The following PTPRM variants were observed in gnomAD, a reference collection of about 807,000 sequenced individuals.
The protein encoded by PTPRM is protein tyrosine phosphatase receptor type M.
In PTPRM, 47 loss-of-function variants were observed where a neutral mutation model predicts 186.7. The observed-to-expected ratio is 0.25, with a 90% confidence interval of 0.20 to 0.32. PTPRM has a LOEUF of 0.32. Ranked by LOEUF, PTPRM falls within the 10% of genes least tolerant of loss-of-function variation. The pLI, the probability that PTPRM is intolerant of heterozygous loss-of-function variation, is 1.00. For missense variants in PTPRM, 1,494 were observed against 1,865.0 expected (o/e 0.80, Z 3.66); for synonymous variants, 668 against 674.9 (o/e 0.99, Z 0.16).
chr18:7,920,124 G>A (rs2050776957), intron 4 of PTPRM, among the ~76,000 whole-genome samples: 2 of 152,120 alleles, frequency 1.3e-5, no homozygotes, highest in Admixed American at 6.5e-5. Flanking sequence ...ATTTAATTGT[G>A]TCTTGGTTTT....
At chr18:8,164,068 A>G (rs1378175633) in intron 14 of PTPRM, among the ~76,000 whole-genome samples, 1 of 152,240 alleles carries the variant, frequency 6.6e-6, no homozygotes, top group Non-Finnish European at 1.5e-5. Context: ...TGAAAGATCC[A>G]TAAGTTAAGA....
At chr18:7,885,662 A>C (rs1342224542) in intron 2 of PTPRM, among the ~76,000 whole-genome samples, 1 of 152,130 alleles carries the variant, frequency 6.6e-6, no homozygotes, top group Non-Finnish European at 1.5e-5. Context: ...TCAAACAGGG[A>C]AAAAAGGAGG....
At chr18:7,871,000 A>G (rs1300841635) in intron 2 of PTPRM, among the ~76,000 whole-genome samples, 1 of 152,220 alleles carries the variant, frequency 6.6e-6, no homozygotes, top group African/African-American at 2.4e-5. Flanking sequence ...TAAGGCAGCA[A>G]TGCAGCTCTT....
chr18:8,164,636 C>G (rs2093289885), intron 14 of PTPRM, among the ~76,000 whole-genome samples: 1 of 152,080 alleles, frequency 6.6e-6, no homozygotes, highest in Non-Finnish European at 1.5e-5. Context: ...TATATAAGTA[C>G]CTAGAGTAGT....
At chr18:7,714,976 A>T (rs991242998) in intron 1 of PTPRM, among the ~76,000 whole-genome samples, 12 of 152,242 alleles carry the variant, frequency 7.9e-5, no homozygotes, top group Admixed American at 5.2e-4. Flanking sequence ...CAAACAATAG[A>T]AAAAGAGGGA....
At position 8,155,741 on chromosome 18, in the gene PTPRM, G is replaced by A. The variant is rs151254334; in HGVS notation, c.2300+11962G>A. ...GAGATGCCTGCAGCATGCAGCCGGA[G>A]GCAAGTTGACATTAACTATAGTTCC... On this transcript the variant is annotated intron_variant, in intron 14 of 32. Transcript: ENST00000580170. Among the ~76,000 whole-genome samples, 143 of 152,324 alleles carry A rather than the reference G, an allele frequency of 9.4e-4. 2 individuals carry two copies. The East Asian group carries it at 0.026, about 28-fold the overall frequency.
intron 7 of PTPRM, among the ~76,000 whole-genome samples, chr18:8,064,431 G>T (rs144562070): frequency 1.2e-3 from 176 of 150,750 alleles, no homozygotes; most frequent in African/African-American, 4.0e-3. Flanking sequence ...TGGCCTATTT[G>T]TTAGGAAGAT....
chr18:8,126,755 G>C (rs1405291580), intron 13 of PTPRM, among the ~76,000 whole-genome samples: 5 of 152,198 alleles, frequency 3.3e-5, no homozygotes. Flanking sequence ...AAGGAGGACA[G>C]TATATGGCTT....
chr18:7,591,491 A>G (rs930562880), intron 1 of PTPRM, among the ~76,000 whole-genome samples: 4 of 152,190 alleles, frequency 2.6e-5, no homozygotes, highest in Non-Finnish European at 4.4e-5. Flanking sequence ...CCCCACCACT[A>G]CAAGTTCAGA....
intron 14 of PTPRM, among the ~76,000 whole-genome samples, chr18:8,228,091 C>T (rs976800962): frequency 5.3e-5 from 8 of 152,192 alleles, no homozygotes; most frequent in African/African-American, 1.4e-4. Context: ...TAGGCGCTCA[C>T]GTGAGCTGTG....
chr18:7,886,152 A>G (rs1363652396), intron 2 of PTPRM, among the ~76,000 whole-genome samples: 1 of 152,218 alleles, frequency 6.6e-6, no homozygotes, highest in Admixed American at 6.5e-5. Context: ...TAACTGTTGT[A>G]GATAACAGAG....
rs778033389 is a variant in PTPRM at position 7,888,316 on chromosome 18, C to A, written c.407C>A (p.Pro136Gln). The change falls in exon 3 of 33, where the codon CCA becomes CAA. Residue 136 changes from proline (P) to glutamine (Q), a missense_variant. Physicochemically the swap from Pro to Gln is moderately conservative, Grantham distance 76. Around this residue, in one of 3 missense-constraint regions of PTPRM, gnomAD observed 296 missense variants for 345.5 expected, o/e 0.86. Coordinates refer to ENST00000580170, the MANE Select transcript of PTPRM (RefSeq NM_001105244.2). Reference sequence around the variant, plus strand: ...CCTATCTGGAATATATCTGGAGACCCAACACGTACATGGAACAGGGCAGAA... The same window carrying A: ...CCTATCTGGAATATATCTGGAGACCAAACACGTACATGGAACAGGGCAGAA... ...GNPIWNISGDPTRTWNRAELA... is the reference protein window; with the variant it reads ...GNPIWNISGDQTRTWNRAELA... The A allele has an allele frequency of 3.7e-6, 6 of 1,614,036 alleles. No homozygotes were observed. In the Admixed American group the frequency reaches 6.7e-5, roughly 18 times the overall value.
chr18:8,404,081 T>A (rs2095888110), intron 32 of PTPRM: 1 of 152,192 alleles, frequency 6.6e-6, no homozygotes, highest in Non-Finnish European at 1.5e-5. Context: ...GTAGTAGAAT[T>A]GCTAGGTCAT....
intron 11 of PTPRM, among the ~76,000 whole-genome samples, chr18:8,101,083 A>G (rs988199832): frequency 6.6e-6 from 1 of 152,230 alleles, no homozygotes; most frequent in African/African-American, 2.4e-5. Context: ...CAGCAATAAG[A>G]GAAGGCATTG....
chr18:8,016,544 A>AAG (rs2084878640), intron 7 of PTPRM, among the ~76,000 whole-genome samples: 1 of 151,528 alleles, frequency 6.6e-6, no homozygotes, highest in African/African-American at 2.4e-5. Flanking sequence ...AAAAAAAAAA[A>AAG]AAGAAAAAAA....
At chr18:8,271,950 G>A (rs907408279) in intron 19 of PTPRM, among the ~76,000 whole-genome samples, 6 of 151,928 alleles carry the variant, frequency 3.9e-5, no homozygotes, top group Admixed American at 1.3e-4. Context: ...AGTGGCTCAC[G>A]CCTGTAATCC....
chr18:7,791,322 A>G (rs532755135), intron 2 of PTPRM, among the ~76,000 whole-genome samples: 5 of 152,310 alleles, frequency 3.3e-5, no homozygotes, highest in African/African-American at 1.2e-4. Flanking sequence ...GAAAAAACGT[A>G]TGTCTTGGTG....
At chr18:8,211,538 G>A (rs1299945293) in intron 14 of PTPRM, among the ~76,000 whole-genome samples, 1 of 138,734 alleles carries the variant, frequency 7.2e-6, no homozygotes, top group Non-Finnish European at 1.6e-5. Flanking sequence ...CGAGTAGCTG[G>A]GATTACAGGC....
At chr18:8,082,217 G>A (rs1294927936) in intron 9 of PTPRM, among the ~76,000 whole-genome samples, 2 of 152,100 alleles carry the variant, frequency 1.3e-5, no homozygotes, top group African/African-American at 4.8e-5. Context: ...TCAGAAAGAA[G>A]ATACAATTAC....
Sources: gnomAD v4.1 joint callset for allele counts (sites outside exome capture counted in the v4.1 genomes callset) on GRCh38, gnomAD v4.1.1 for gene constraint, gnomAD v4.1.1 regional missense constraint, MANE v1.5 for transcripts, NCBI Gene and HGNC (gene_info 2026-07-23, HGNC 2026-07-21) for gene names.